MS4A8: variants seen among roughly 807,000 people sequenced by gnomAD.
The protein encoded by MS4A8 is membrane spanning 4-domains A8, also known as membrane-spanning 4-domains subfamily A member 8.
Under a neutral mutation model 23.7 loss-of-function variants are expected in MS4A8, and 27 were observed. The ratio of observed to expected loss-of-function variants is 1.14; its 90% CI spans 0.84 to 1.57. The LOEUF (loss-of-function observed/expected upper bound fraction) is 1.57. Ranked by LOEUF, MS4A8 falls within the 40% of genes most tolerant of loss-of-function variation. The pLI is 0.00. For synonymous variants in MS4A8, 138 were observed against 126.3 expected (o/e 1.09, Z -0.62); for missense variants, 301 against 311.4 (o/e 0.97, Z 0.25).
intron 4 of MS4A8, 119 bp downstream of exon 4, chr11:60,707,166 C>A: frequency 1.1e-6 from 1 of 928,084 alleles, no homozygotes; most frequent in Non-Finnish European, 1.8e-6. Context: ...TAACCAGACA[C>A]ACGGTGCTCA....
At chr11:60,715,269 C>T (rs777952458) in intron 6 of MS4A8, 41 bp from the exon 7 acceptor site, 32 of 1,576,626 alleles carry the variant, frequency 2.0e-5, no homozygotes, top group Non-Finnish European at 2.5e-5. Flanking sequence ...GTGCATGGCC[C>T]GTCCTTCTTA....
At chr11:60,704,693 G>T (rs937005074) in intron 3 of MS4A8, among the ~76,000 whole-genome samples, 5 of 151,982 alleles carry the variant, frequency 3.3e-5, no homozygotes, top group African/African-American at 1.2e-4. Flanking sequence ...TTTCTGGAAG[G>T]GTCCATAGCT....
intron 3 of MS4A8, among the ~76,000 whole-genome samples, chr11:60,705,065 T>C (rs2088244559): frequency 1.3e-5 from 2 of 152,070 alleles, no homozygotes; most frequent in African/African-American, 4.8e-5. Flanking sequence ...CCCTCTACCT[T>C]ATAAGAGTTA....
chr11:60,707,086 C>T (rs1284855093), intron 4 of MS4A8, 39 bp downstream of exon 4: 2 of 1,570,348 alleles, frequency 1.3e-6, no homozygotes, highest in East Asian at 4.5e-5. Context: ...CAACTGGAGA[C>T]CTATAGAATG....
chr11:60,700,915 C>T lies in MS4A8; in HGVS notation c.55C>T (p.Pro19Ser), dbSNP rs770893882. Residue 19 changes from proline to serine, a missense_variant, in exon 2 of 7, where the codon CCC (proline) becomes TCC (serine). Coordinates refer to ENST00000300226, the MANE Select transcript of MS4A8 (RefSeq NM_031457.2). Reference protein sequence around the residue: ...PVANSVLVVAPHNGYPVTPGI... With the variant: ...PVANSVLVVASHNGYPVTPGI... ...GGCCAATTCTGTGTTGGTGGTGGCA[C>T]CCCACAATGGTTATCCTGTGACCCC... The T allele has an allele frequency of 6.2e-7, 1 of 1,614,158 alleles. No homozygotes were observed. The highest frequency in any genetic ancestry group is 2.2e-5 in the East Asian group (1 of 44,878).
intron 3 of MS4A8, among the ~76,000 whole-genome samples, chr11:60,706,324 C>T (rs1369497191): frequency 1.3e-5 from 2 of 152,132 alleles, no homozygotes; most frequent in African/African-American, 2.4e-5. Flanking sequence ...CTGCGGAATA[C>T]CATGTTGGAT....
At chr11:60,706,388 C>A (rs144466309) in intron 3 of MS4A8, among the ~76,000 whole-genome samples, 1 of 152,260 alleles carries the variant, frequency 6.6e-6, no homozygotes, top group East Asian at 1.9e-4. Flanking sequence ...AGCATCATAG[C>A]GACACAATGT....
intron 5 of MS4A8, chr11:60,711,869 T>C (rs1480700715): frequency 3.3e-5 from 15 of 456,086 alleles, no homozygotes; most frequent in Non-Finnish European, 5.7e-5. Flanking sequence ...ACTCGCCCCA[T>C]GCCCACCACC....
chr11:60,705,722 G>A (rs2088250343), intron 3 of MS4A8, among the ~76,000 whole-genome samples: 1 of 152,238 alleles, frequency 6.6e-6, no homozygotes, highest in African/African-American at 2.4e-5. Flanking sequence ...AAATAACTAT[G>A]TCCACTCTAT....
chr11:60,713,901 T>TTTGAGATTAGG (rs1203493530), intron 5 of MS4A8, among the ~76,000 whole-genome samples: 1 of 144,150 alleles, frequency 6.9e-6, no homozygotes, highest in African/African-American at 2.7e-5. Flanking sequence ...TAGGGAGTGG[T>TTTGAGATTAGG]GATGACTCTT....
intron 3 of MS4A8, 127 bp downstream of exon 3, chr11:60,703,627 A>C (rs1209180966): frequency 1.8e-6 from 2 of 1,135,850 alleles, no homozygotes; most frequent in Non-Finnish European, 2.5e-6. Context: ...GGGGATAGGA[A>C]ACCAGCCAGC....
At position 60,700,885 on chromosome 11, in the gene MS4A8, C is replaced by T. The variant is rs1324974041; in HGVS notation, c.25C>T (p.Pro9Ser). The change falls in exon 2 of 7, where the codon CCG becomes TCG. Residue 9 changes from proline (P) to serine (S), a missense_variant. Pro to Ser is a moderately conservative substitution (Grantham distance 74). Transcript: ENST00000300226. Reference sequence around the variant, plus strand: ...CATGAATTCGATGACTTCAGCAGTTCCGGTGGCCAATTCTGTGTTGGTGGT... The same window carrying T: ...CATGAATTCGATGACTTCAGCAGTTTCGGTGGCCAATTCTGTGTTGGTGGT... The part of the protein sequence containing the change: MNSMTSAV[P>S]VANSVLVVAP... 6.2e-7 allele frequency: 1 copy of T among 1,614,158 alleles called. No individual in the cohort carries two copies.
chr11:60,710,480 C>T (rs182767072), intron 5 of MS4A8, among the ~76,000 whole-genome samples: 2 of 152,312 alleles, frequency 1.3e-5, no homozygotes, highest in Non-Finnish European at 1.5e-5. Context: ...GCCAATCCCT[C>T]GGGCAATCCT....
chr11:60,709,564 A>T (rs960582974), intron 5 of MS4A8, among the ~76,000 whole-genome samples: 1 of 152,374 alleles, frequency 6.6e-6, no homozygotes, highest in South Asian at 2.1e-4. Flanking sequence ...GCTATGGCAC[A>T]TCTCGATTTG....
At chr11:60,714,244 G>C (rs571451488) in intron 5 of MS4A8, among the ~76,000 whole-genome samples, 3 of 149,978 alleles carry the variant, frequency 2.0e-5, no homozygotes, top group Non-Finnish European at 4.4e-5. Flanking sequence ...CTTAACAAGC[G>C]TGCTGCCTTC....
intron 5 of MS4A8, chr11:60,712,474 C>T: frequency 1.0e-6 from 1 of 985,232 alleles, no homozygotes; most frequent in Non-Finnish European, 1.2e-6. Context: ...CTGGCTGTCA[C>T]CAATGCTGTT....
At chr11:60,701,161 A>C in intron 2 of MS4A8, 82 bp downstream of exon 2, 1 of 1,314,612 alleles carries the variant, frequency 7.6e-7, no homozygotes. Flanking sequence ...GGAAATACAC[A>C]AACACTACAT....
rs753032049 is a variant in MS4A8, at chr11:60,715,357, C to A, written c.696C>A (p.Thr232=). The A allele has an allele frequency of 6.8e-6, 11 of 1,613,904 alleles. No individual in the cohort carries two copies. Among genetic ancestry groups the A allele is most frequent in the Non-Finnish European group, 8.5e-6 (10 of 1,180,014 alleles). The change falls in exon 7 of 7, where the codon ACC becomes ACA. Residue 232 remains threonine (T), a synonymous_variant. Coordinates refer to ENST00000300226, the MANE Select transcript of MS4A8 (RefSeq NM_031457.2). ...TCTATGCAGCAAACCCAGTGATCAC[C>A]CCAGAACCGGTGACCTCACCACCAA... ...PNIYAANPVI[T]PEPVTSPPSY...
chr11:60,713,427 G>T (rs1027545510), intron 5 of MS4A8, among the ~76,000 whole-genome samples: 1 of 152,144 alleles, frequency 6.6e-6, no homozygotes, highest in Non-Finnish European at 1.5e-5. Flanking sequence ...AGGTAAACAC[G>T]TGAACAAATG....
Sources: gnomAD v4.1 joint callset for allele counts (sites outside exome capture counted in the v4.1 genomes callset) on GRCh38, gnomAD v4.1.1 for gene constraint, MANE v1.5 for transcripts, NCBI Gene and HGNC (gene_info 2026-07-23, HGNC 2026-07-21) for gene names.